CNTN5: variants seen among roughly 807,000 people sequenced by gnomAD.
CNTN5 encodes the protein contactin 5, also known as contactin-5.
CNTN5 carries 77 observed loss-of-function variants against 129.1 expected under a neutral mutation model. The ratio of observed to expected loss-of-function variants is 0.60; its 90% CI spans 0.50 to 0.72. CNTN5 has a LOEUF of 0.72. Among genes scored for constraint, CNTN5 ranks in the 30% least tolerant of loss-of-function variants. CNTN5 has a pLI of 0.00. For missense variants in CNTN5, 1,478 were observed against 1,328.8 expected (o/e 1.11, Z -1.75); for synonymous variants, 509 against 465.6 (o/e 1.09, Z -1.20).
chr11:99,911,818 A>G (rs1359604061), intron 6 of CNTN5, among the ~76,000 whole-genome samples: 3 of 151,278 alleles, frequency 2.0e-5, no homozygotes, highest in African/African-American at 7.3e-5. Context: ...TGTTATCTTT[A>G]TGAAGTCTAT....
intron 3 of CNTN5, among the ~76,000 whole-genome samples, chr11:99,580,133 T>A (rs962773597): frequency 6.6e-6 from 1 of 152,230 alleles, no homozygotes; most frequent in South Asian, 2.1e-4. Context: ...GGATTACATT[T>A]ATTGATTTGG....
intron 1 of CNTN5, among the ~76,000 whole-genome samples, chr11:99,207,955 TC>T (rs1423179274): frequency 1.3e-5 from 2 of 152,158 alleles, no homozygotes; most frequent in African/African-American, 4.8e-5. Flanking sequence ...ATTATGTACT[TC>T]CCAAAGCCAT....
chr11:99,056,264 A>G (rs1174864199), intron 1 of CNTN5, among the ~76,000 whole-genome samples: 1 of 152,006 alleles, frequency 6.6e-6, no homozygotes, highest in Middle Eastern at 3.2e-3. Context: ...CACCTACGCA[A>G]TCATAACCAG....
At chr11:99,807,324 T>C (rs998669329) in intron 3 of CNTN5, among the ~76,000 whole-genome samples, 2 of 152,194 alleles carry the variant, frequency 1.3e-5, no homozygotes, top group Admixed American at 6.5e-5. Flanking sequence ...TTCTCTGATA[T>C]TCCTAGGAAA....
At chr11:99,051,671 C>T (rs1184678622) in intron 1 of CNTN5, among the ~76,000 whole-genome samples, 1 of 151,854 alleles carries the variant, frequency 6.6e-6, no homozygotes, top group Admixed American at 6.6e-5. Flanking sequence ...GAATCACTGA[C>T]TTATCATCTA....
chr11:99,663,119 AG>A (rs1952656562), intron 3 of CNTN5, among the ~76,000 whole-genome samples: 1 of 25,090 alleles, frequency 4.0e-5, no homozygotes, highest in Admixed American at 6.9e-4. Flanking sequence ...ATAGTCTGAT[AG>A]AAAGCTGCAA....
intron 16 of CNTN5, among the ~76,000 whole-genome samples, chr11:100,242,645 G>T (rs902400859): frequency 1.4e-4 from 22 of 152,112 alleles, no homozygotes; most frequent in African/African-American, 5.3e-4. Flanking sequence ...TCACCACCAC[G>T]ACAGCACCAA....
chr11:99,720,751 G>T lies in CNTN5; in HGVS notation c.56-98793G>T, dbSNP rs565307252. Among the ~76,000 whole-genome samples, 57 of 152,184 alleles carry T rather than the reference G, an allele frequency of 3.7e-4. 1 individual carries two copies. In the South Asian group the frequency reaches 0.011, roughly 29 times the overall value. ...CATGATTCTATAGCAGGAAAACCCA[G>T]TAGTCTTGGACAAAAGCTCCTTCAG... On this transcript the variant is annotated intron_variant, in intron 3 of 24. Transcript: ENST00000524871.
At chr11:99,248,498 T>G (rs1861933675) in intron 1 of CNTN5, among the ~76,000 whole-genome samples, 2 of 152,126 alleles carry the variant, frequency 1.3e-5, no homozygotes. Flanking sequence ...TGGCTTTTGT[T>G]GCCATTGCTT....
intron 3 of CNTN5, among the ~76,000 whole-genome samples, chr11:99,773,250 A>G (rs1945005385): frequency 6.6e-6 from 1 of 152,114 alleles, no homozygotes; most frequent in Admixed American, 6.6e-5. Flanking sequence ...GGCCTGAGGA[A>G]AATTCTAGGT....
At chr11:99,096,198 T>C (rs1866461748) in intron 1 of CNTN5, among the ~76,000 whole-genome samples, 1 of 151,912 alleles carries the variant, frequency 6.6e-6, no homozygotes, top group South Asian at 2.1e-4. Context: ...TCATTGGTTT[T>C]GAAAAATAAT....
chr11:99,496,306 G>C (rs917120907), intron 2 of CNTN5, among the ~76,000 whole-genome samples: 4 of 152,090 alleles, frequency 2.6e-5, no homozygotes, highest in African/African-American at 9.7e-5. Flanking sequence ...ACAGAGTCTC[G>C]TTCTGTCGCC....
intron 16 of CNTN5, among the ~76,000 whole-genome samples, chr11:100,227,453 A>AT (rs745869689): frequency 6.6e-6 from 1 of 151,924 alleles, no homozygotes; most frequent in Non-Finnish European, 1.5e-5. Context: ...TTTAAGGACT[A>AT]TTTTTTCCTC....
chr11:100,162,567 G>A (rs1163737505), intron 13 of CNTN5, among the ~76,000 whole-genome samples: 1 of 151,512 alleles, frequency 6.6e-6, no homozygotes, highest in Admixed American at 6.6e-5. Context: ...TCTAGTATTA[G>A]GCATCTGCTT....
At chr11:100,047,799 A>ACAT (rs1942761519) in intron 9 of CNTN5, among the ~76,000 whole-genome samples, 2 of 151,972 alleles carry the variant, frequency 1.3e-5, no homozygotes. Flanking sequence ...GTGTGAGAGG[A>ACAT]CATTATCTAA....
intron 2 of CNTN5, among the ~76,000 whole-genome samples, chr11:99,414,250 A>G: frequency 6.6e-6 from 1 of 152,152 alleles, no homozygotes; most frequent in East Asian, 1.9e-4. Context: ...TGCAATATTG[A>G]TATCACTGTG....
intron 1 of CNTN5, among the ~76,000 whole-genome samples, chr11:99,110,162 T>G (rs922488245): frequency 2.0e-5 from 3 of 152,078 alleles, no homozygotes; most frequent in African/African-American, 7.2e-5. Flanking sequence ...GACTAAAGAA[T>G]GCATTATCCA....
At chr11:99,949,979 C>G (rs1043775553) in intron 7 of CNTN5, among the ~76,000 whole-genome samples, 2 of 152,104 alleles carry the variant, frequency 1.3e-5, no homozygotes, top group Non-Finnish European at 2.9e-5. Flanking sequence ...ATGAAGAACT[C>G]TGCTTCTTTT....
chr11:99,760,193 G>A (rs146410003), intron 3 of CNTN5, among the ~76,000 whole-genome samples: 1 of 152,258 alleles, frequency 6.6e-6, no homozygotes, highest in East Asian at 1.9e-4. Flanking sequence ...TGTCAGAGGA[G>A]TCTGATTTAT....
Sources: allele counts gnomAD v4.1 joint callset (sites outside exome capture counted in the v4.1 genomes callset), GRCh38; gene constraint gnomAD v4.1.1; transcripts MANE v1.5; gene names NCBI Gene and HGNC (gene_info 2026-07-23, HGNC 2026-07-21).